The following CTPS2 variants were observed in gnomAD, a reference collection of about 807,000 sequenced individuals.
The protein encoded by CTPS2 is CTP synthase II.
In CTPS2, 19 loss-of-function variants were observed where a neutral mutation model predicts 46.8. The observed-to-expected ratio is 0.41, with a 90% CI of 0.28 to 0.60. CTPS2 has a LOEUF of 0.60. Among genes scored for constraint, CTPS2 ranks in the 20% least tolerant of loss-of-function variants. CTPS2 has a pLI of 0.35. For synonymous variants in CTPS2, 151 were observed against 165.2 expected, an observed-to-expected ratio of 0.91 and a Z score of 0.66; for missense variants, 286 against 447.6, an observed-to-expected ratio of 0.64 and a Z score of 3.26.
intron 8 of CTPS2, among the ~76,000 whole-genome samples, chrX:16,687,473 TCAAAAAA>T (rs1923310426): frequency 3.6e-5 from 1 of 27,995 alleles, no homozygotes; most frequent in African/African-American, 1.9e-4. Context: ...ACACCCTGTG[TCAAAAAA>T]AAAAAAAAAA....
chrX:16,706,358 G>A (rs1223665750), intron 1 of CTPS2, among the ~76,000 whole-genome samples: 1 of 110,301 alleles, frequency 9.1e-6, no homozygotes, highest in African/African-American at 3.3e-5. Flanking sequence ...GGGAGGCAGA[G>A]GTTGCAGTGA....
chrX:16,687,770 C>T (rs941201373), intron 8 of CTPS2, among the ~76,000 whole-genome samples: 4 of 111,145 alleles, frequency 3.6e-5, no homozygotes, highest in Middle Eastern at 4.6e-3. Context: ...GCAAGAGAGC[C>T]TCAATCTGAT....
At chrX:16,645,150 C>CTTTTT (rs60451307) in intron 13 of CTPS2, among the ~76,000 whole-genome samples, 6 of 97,921 alleles carry the variant, frequency 6.1e-5, no homozygotes, top group African/African-American at 1.9e-4. Context: ...GCCCGGCTAA[C>CTTTTT]TTTTTTTTTT....
intron 14 of CTPS2, chrX:16,627,051 C>T (rs960632520): frequency 8.8e-6 from 1 of 113,582 alleles, no homozygotes; most frequent in African/African-American, 3.3e-5. Flanking sequence ...CCATTATTTT[C>T]GACGGCAAAA....
intron 14 of CTPS2, among the ~76,000 whole-genome samples, chrX:16,626,111 G>A (rs1407213558): frequency 9.0e-6 from 1 of 111,615 alleles, no homozygotes; most frequent in Admixed American, 9.5e-5. Flanking sequence ...GCCAGGCATG[G>A]TGGCTCATGC....
chrX:16,672,344 G>T (rs1214721759), intron 10 of CTPS2, among the ~76,000 whole-genome samples: 1 of 111,624 alleles, frequency 9.0e-6, no homozygotes, highest in East Asian at 2.8e-4. Flanking sequence ...ACTTTTCAGT[G>T]TCACTGCAAT....
intron 17 of CTPS2, among the ~76,000 whole-genome samples, chrX:16,593,115 T>C (rs1355570086): frequency 1.8e-5 from 2 of 111,990 alleles, no homozygotes; most frequent in African/African-American, 6.5e-5. Context: ...GCCAAACTTT[T>C]GCTGATTTAT....
chrX:16,682,113 G>A (rs1922795641), intron 9 of CTPS2, among the ~76,000 whole-genome samples: 1 of 112,071 alleles, frequency 8.9e-6, no homozygotes, highest in African/African-American at 3.2e-5. Context: ...GTACTTAAAC[G>A]AGCATGACAA....
At chrX:16,629,599 G>C (rs1273407217) in intron 14 of CTPS2, among the ~76,000 whole-genome samples, 1 of 110,174 alleles carries the variant, frequency 9.1e-6, no homozygotes, top group Non-Finnish European at 1.9e-5. Flanking sequence ...ATTCAATGTT[G>C]GTTTTGGTTT....
At chrX:16,690,630 G>T (rs1217176387) in intron 7 of CTPS2, among the ~76,000 whole-genome samples, 3 of 111,456 alleles carry the variant, frequency 2.7e-5, no homozygotes, top group Non-Finnish European at 3.8e-5. Context: ...CCCTTTTCCT[G>T]AGCACCATTT....
chrX:16,647,184 T>C (rs1327701145), intron 13 of CTPS2, among the ~76,000 whole-genome samples: 1 of 110,296 alleles, frequency 9.1e-6, no homozygotes, highest in African/African-American at 3.3e-5. Context: ...CACAGGCTGT[T>C]TTTCAAGTTC....
At chrX:16,593,882 G>C (rs1929080732) in intron 17 of CTPS2, among the ~76,000 whole-genome samples, 1 of 110,341 alleles carries the variant, frequency 9.1e-6, no homozygotes, top group South Asian at 3.9e-4. Flanking sequence ...AAGAATATTT[G>C]GAGGAAAAAA....
intron 17 of CTPS2, among the ~76,000 whole-genome samples, chrX:16,607,004 G>A (rs1313953160): frequency 3.6e-5 from 4 of 112,334 alleles, no homozygotes; most frequent in Non-Finnish European, 7.5e-5. Flanking sequence ...TGCCCACCTC[G>A]GCCTCCCAAA....
chrX:16,690,281 G>C (rs1483902094), intron 7 of CTPS2, among the ~76,000 whole-genome samples: 1 of 109,606 alleles, frequency 9.1e-6, no homozygotes. Context: ...TGAGGCAGGA[G>C]AATCGCTTGA....
At chrX:16,643,756 C>A (rs1474248080) in intron 13 of CTPS2, among the ~76,000 whole-genome samples, 1 of 111,208 alleles carries the variant, frequency 9.0e-6, no homozygotes, top group Non-Finnish European at 1.9e-5. Context: ...GGAGCCCAGA[C>A]TAGCCATGCC....
intron 8 of CTPS2, among the ~76,000 whole-genome samples, chrX:16,685,125 G>A (rs1923069861): frequency 9.0e-6 from 1 of 111,521 alleles, no homozygotes; most frequent in African/African-American, 3.3e-5. Flanking sequence ...ACAGAAAGCA[G>A]GATGACAGCA....
At chrX:16,612,587 A>C (rs1930316041) in intron 16 of CTPS2, among the ~76,000 whole-genome samples, 2 of 112,060 alleles carry the variant, frequency 1.8e-5, no homozygotes, top group South Asian at 3.7e-4. Flanking sequence ...GGAAGATTTA[A>C]GAGGCTTCAA....
chrX:16,666,180 G>A (rs1261478395), intron 13 of CTPS2, among the ~76,000 whole-genome samples: 2 of 112,353 alleles, frequency 1.8e-5, no homozygotes, highest in Admixed American at 9.5e-5. Context: ...GCAGGGACAC[G>A]ACTGGGTGTG....
chrX:16,601,582 G>T (rs989017146), intron 17 of CTPS2, among the ~76,000 whole-genome samples: 2 of 104,180 alleles, frequency 1.9e-5, no homozygotes, highest in African/African-American at 3.5e-5. Context: ...CGGGGGGGGG[G>T]GGGTTTAAGT....
Sources: allele counts gnomAD v4.1 joint callset (sites outside exome capture counted in the v4.1 genomes callset), GRCh38; gene constraint gnomAD v4.1.1; transcripts MANE v1.5; gene names NCBI Gene and HGNC (gene_info 2026-07-23, HGNC 2026-07-21).